Variants in EPB41L3 observed in about 807,000 individuals in gnomAD.
The protein encoded by EPB41L3 is erythrocyte membrane protein band 4.1 like 3, also known as band 4.1-like protein 3.
Under a neutral mutation model 127.1 loss-of-function variants are expected in EPB41L3, and 57 were observed. The observed-to-expected ratio is 0.45, with a 90% CI of 0.36 to 0.56. The LOEUF (loss-of-function observed/expected upper bound fraction) is 0.56, where lower values mean the gene tolerates loss of function less well. Among genes scored for constraint, EPB41L3 ranks in the 20% least tolerant of loss-of-function variants. The pLI is 0.00. For missense variants in EPB41L3, 1,273 were observed against 1,372.2 expected, an observed-to-expected ratio of 0.93 and a Z score of 1.14; for synonymous variants, 572 against 549.5, an observed-to-expected ratio of 1.04 and a Z score of -0.57.
rs528963545 is a variant in EPB41L3, at chr18:5,423,073, C to G, written c.1339+305G>C. ...GAGAATCAAATCACAGAGTATGTGA[C>G]TACTATATTTAGAATGAGAGCATCT... On this transcript the variant is annotated intron_variant, in intron 11 of 22. Coordinates refer to ENST00000341928, the MANE Select transcript of EPB41L3 (RefSeq NM_012307.5). Among the ~76,000 whole-genome samples, 4 of 152,268 alleles carry G rather than the reference C, an allele frequency of 2.6e-5. No individual in the cohort carries two copies. The South Asian group carries it at 8.3e-4, about 32-fold the overall frequency.
chr18:5,492,012 T>C (rs1357289847), intron 1 of EPB41L3, among the ~76,000 whole-genome samples: 1 of 152,162 alleles, frequency 6.6e-6, no homozygotes, highest in Admixed American at 6.5e-5. Context: ...GGCAAACTAA[T>C]ATCAACATCT....
chr18:5,416,448 C>A, intron 12 of EPB41L3, 70 bp from the exon 13 acceptor site: 1 of 1,446,686 alleles, frequency 6.9e-7, no homozygotes, highest in Non-Finnish European at 9.2e-7. Flanking sequence ...AAGAAAACTG[C>A]AATTAGTTAA....
At chr18:5,546,940 A>G (rs1451317261), upstream of EPB41L3, among the ~76,000 whole-genome samples, 1 of 152,224 alleles carries the variant, frequency 6.6e-6, no homozygotes, top group Admixed American at 6.5e-5. Flanking sequence ...TAATGAACTA[A>G]GCTGTCACTT....
At chr18:5,547,973 C>T (rs915787023), upstream of EPB41L3, among the ~76,000 whole-genome samples, 8 of 152,164 alleles carry the variant, frequency 5.3e-5, no homozygotes, top group Admixed American at 1.3e-4. Flanking sequence ...GAAATATTGA[C>T]GCTTGAGCAA....
Position 5,428,462 on chromosome 18 carries a change from A to G in EPB41L3, c.916T>C (p.Ser306Pro). 1.2e-6 allele frequency: 2 copies of G among 1,614,174 alleles called. No homozygotes were observed. The highest frequency in any genetic ancestry group is 1.1e-5 in the South Asian group (1 of 91,072). Residue 306 changes from serine (S) to proline (P), a missense_variant, in exon 9 of 23, where the codon TCA (serine) becomes CCA (proline). Transcript: ENST00000341928. ...YGVDLHHAKD[S>P]EGVEIMLGVC... The stretch of plus-strand genomic sequence containing the variant: ...CCTAACATAATTTCTACCCCTTCTG[A>G]GTCCTGGAAAATAAAAGCAAGAAAC...
intron 5 of EPB41L3, among the ~76,000 whole-genome samples, chr18:5,439,296 C>T (rs2080323795): frequency 6.6e-6 from 1 of 152,150 alleles, no homozygotes; most frequent in African/African-American, 2.4e-5. Flanking sequence ...CCAATACTCT[C>T]CCAAGACTTC....
intron 12 of EPB41L3, among the ~76,000 whole-genome samples, chr18:5,418,803 C>T (rs753493246): frequency 2.6e-5 from 4 of 152,130 alleles, no homozygotes; most frequent in Non-Finnish European, 4.4e-5. Flanking sequence ...CCATAGAATT[C>T]GGGGTAGTGA....
At chr18:5,480,450 A>C (rs766983432) in intron 2 of EPB41L3, among the ~76,000 whole-genome samples, 1 of 152,174 alleles carries the variant, frequency 6.6e-6, no homozygotes, top group Admixed American at 6.5e-5. Context: ...GCATATAAGG[A>C]GAGAGAGACA....
intron 5 of EPB41L3, among the ~76,000 whole-genome samples, chr18:5,441,488 C>T (rs1251455389): frequency 2.9e-5 from 4 of 139,238 alleles, no homozygotes; most frequent in South Asian, 2.2e-4. Context: ...TTTTTTGACA[C>T]GGAGTTTCGC....
chr18:5,615,691 T>C (rs1002679276), intron 1 of EPB41L3, among the ~76,000 whole-genome samples: 3 of 152,232 alleles, frequency 2.0e-5, no homozygotes, highest in African/African-American at 7.2e-5. Flanking sequence ...ATGGTAGTTC[T>C]TTTTCTCTGT....
chr18:5,571,788 C>T (rs1016569160), intron 3 of EPB41L3, among the ~76,000 whole-genome samples: 3 of 151,944 alleles, frequency 2.0e-5, no homozygotes, highest in Admixed American at 1.3e-4. Flanking sequence ...TTCCTCCATT[C>T]CCAAATATGT....
At chr18:5,418,237 T>C (rs1357807801) in intron 12 of EPB41L3, among the ~76,000 whole-genome samples, 1 of 152,184 alleles carries the variant, frequency 6.6e-6, no homozygotes, top group Non-Finnish European at 1.5e-5. Context: ...GCTATGAGGC[T>C]GGTAGTGTCC....
Position 5,395,696 on chromosome 18 carries a change from G to A in EPB41L3, c.2985C>T (p.Gly995=). 1 of 1,614,142 alleles carries A rather than the reference G, an allele frequency of 6.2e-7. No individual in the cohort carries two copies. Among genetic ancestry groups the A allele is most frequent in the Non-Finnish European group, 8.5e-7 (1 of 1,179,996 alleles). Residue 995 remains glycine, a synonymous_variant, in exon 20 of 23, where the codon GGC becomes GGT. Transcript: ENST00000341928. ...TCAGCACGCCTGGCTCCAGATCTGT[G>A]CCTGGATCGACCTAAAGCAGCAGAG... ...ITYESSQVDP[G]TDLEPGVLMS...
chr18:5,491,191 A>G (rs1370697438), intron 1 of EPB41L3, among the ~76,000 whole-genome samples: 1 of 152,092 alleles, frequency 6.6e-6, no homozygotes, highest in Non-Finnish European at 1.5e-5. Context: ...TCCCTTTCCC[A>G]CTGGCTGGAT....
At chr18:5,581,426 A>G (rs1399123966) in intron 3 of EPB41L3, among the ~76,000 whole-genome samples, 2 of 152,216 alleles carry the variant, frequency 1.3e-5, no homozygotes, top group African/African-American at 2.4e-5. Flanking sequence ...ACTCTAGAGA[A>G]TAATGTGAAG....
intron 4 of EPB41L3, among the ~76,000 whole-genome samples, chr18:5,444,786 AT>A (rs1293612602): frequency 2.0e-5 from 3 of 152,212 alleles, no homozygotes; most frequent in Non-Finnish European, 4.4e-5. Flanking sequence ...TGATTTTTAC[AT>A]AAATATCAAT....
intron 1 of EPB41L3, among the ~76,000 whole-genome samples, chr18:5,529,926 A>ATGTGTGTGTGTGTG (rs762060217): frequency 1.1e-4 from 10 of 91,614 alleles, no homozygotes; most frequent in African/African-American, 4.2e-4. Context: ...ATCAACTCAT[A>ATGTGTGTGTGTGTG]TATGTGTGTG....
At chr18:5,439,359 G>A (rs1445432875) in intron 5 of EPB41L3, among the ~76,000 whole-genome samples, 2 of 152,066 alleles carry the variant, frequency 1.3e-5, no homozygotes, top group Admixed American at 6.6e-5. Flanking sequence ...ATTGCTCCAT[G>A]AGCCCTTCCC....
intron 2 of EPB41L3, among the ~76,000 whole-genome samples, chr18:5,488,579 GATGATAATAATA>G (rs1321802774): frequency 7.8e-4 from 116 of 148,818 alleles, no homozygotes; most frequent in African/African-American, 2.9e-3. Flanking sequence ...TGATGATGAT[GATGATAATAATA>G]ATAATAATAA....
Sources: gnomAD v4.1 joint callset for allele counts (sites outside exome capture counted in the v4.1 genomes callset) on GRCh38, gnomAD v4.1.1 for gene constraint, MANE v1.5 for transcripts, NCBI Gene and HGNC (gene_info 2026-07-23, HGNC 2026-07-21) for gene names.